DDX42: variants seen among roughly 807,000 people sequenced by gnomAD.
DDX42 encodes the protein ATP-dependent RNA helicase DDX42.
In DDX42, 22 loss-of-function variants were observed where a neutral mutation model predicts 101.5. That is an observed-to-expected ratio of 0.22 (90% CI 0.15 to 0.31). DDX42 has a LOEUF of 0.31. DDX42 is among the 10% of genes least tolerant of loss of function. DDX42 has a pLI of 1.00. For missense variants in DDX42, 849 were observed against 1,199.9 expected (o/e 0.71, Z 4.32); for synonymous variants, 402 against 401.2 (o/e 1.00, Z -0.02).
chr17:63,792,433 A>G lies in DDX42; in HGVS notation c.243A>G (p.Glu81=). 1 of 1,612,622 alleles carries G rather than the reference A, an allele frequency of 6.2e-7. No individual in the cohort carries two copies. Among genetic ancestry groups the G allele is most frequent in the Non-Finnish European group, 8.5e-7 (1 of 1,179,412 alleles). ...EENAYFEDEE[E]DSSNVDLPYI... ...TCAGCTATTTTGAAGATGAGGAAGA[A>G]GATTCTAGCAACGTTGATTTACCTT... Residue 81 remains glutamate (E), a synonymous_variant, in exon 3 of 18, where the codon GAA becomes GAG. Coordinates refer to ENST00000389924, the MANE Select transcript of DDX42 (RefSeq NM_203499.3).
intron 4 of DDX42, among the ~76,000 whole-genome samples, chr17:63,799,100 G>A (rs1038977597): frequency 1.3e-5 from 2 of 152,160 alleles, no homozygotes; most frequent in Admixed American, 1.3e-4. Context: ...AGTTAATGTA[G>A]TTTTCACTCT....
intron 5 of DDX42, 78 bp downstream of exon 5, chr17:63,799,703 C>T: frequency 1.4e-6 from 2 of 1,442,780 alleles, no homozygotes; most frequent in Non-Finnish European, 1.9e-6. Flanking sequence ...AGCTTGCCTT[C>T]ACTCAAAATG....
intron 6 of DDX42, among the ~76,000 whole-genome samples, chr17:63,803,753 G>T (rs2039803314): frequency 6.6e-6 from 1 of 151,466 alleles, no homozygotes; most frequent in Non-Finnish European, 1.5e-5. Context: ...GGGTTCAAGA[G>T]ATTCTCCTGC....
rs2040017428 is a variant in DDX42, at chr17:63,819,123, C to G, written c.*725C>G. 6.6e-6 allele frequency: 1 copy of G among 152,448 alleles called. No homozygotes were observed. The highest frequency in any genetic ancestry group is 2.4e-5 in the African/African-American group (1 of 41,408). The allele number at this position is 152,448 out of a possible 1,614,324, so 9.4% of individuals were successfully genotyped here. On this transcript the variant is annotated 3_prime_UTR_variant, in exon 18 of 18. Coordinates refer to ENST00000389924, the MANE Select transcript of DDX42 (RefSeq NM_203499.3). Reference sequence around the variant, plus strand: ...CCAACAACAGCTTTTAAAGTGTCTTCTATCTCATTGTATTTTTTTTAACTT... The same window carrying G: ...CCAACAACAGCTTTTAAAGTGTCTTGTATCTCATTGTATTTTTTTTAACTT...
intron 6 of DDX42, among the ~76,000 whole-genome samples, chr17:63,803,533 A>G (rs960674448): frequency 7.3e-5 from 10 of 136,090 alleles, no homozygotes; most frequent in South Asian, 4.8e-4. Flanking sequence ...GTGCCACTGC[A>G]CTCCAGCCTG....
In DDX42 at chr17:63,817,748, A is replaced by T; in HGVS notation, c.2167A>T (p.Ser723Cys). ...CAGTTTAAGTAATCAGAAGGCTGGA[A>T]GTTCTGCTGCTGGGGCAAGTGGGTG... The part of the protein sequence containing the change: ...AASLSNQKAG[S>C]SAAGASGWTS... The change falls in exon 18 of 18, where the codon AGT (serine) becomes TGT (cysteine). Residue 723 changes from serine (S) to cysteine (C), a missense_variant. Transcript: ENST00000389924. 1 of 1,614,206 alleles carries T rather than the reference A, an allele frequency of 6.2e-7. No homozygotes were observed. The highest frequency in any genetic ancestry group is 1.1e-5 in the South Asian group (1 of 91,086).
intron 16 of DDX42, chr17:63,816,579 C>T (rs937788130): frequency 1.3e-5 from 3 of 231,752 alleles, no homozygotes; most frequent in African/African-American, 2.3e-5. Flanking sequence ...GTAATTTTTA[C>T]TTAATTAATT....
At chr17:63,817,191 C>T in intron 17 of DDX42, 1 of 491,536 alleles carries the variant, frequency 2.0e-6, no homozygotes, top group Non-Finnish European at 3.6e-6. Context: ...CACTTGGGGC[C>T]TGGGATTGTT....
chr17:63,814,675 C>CTTTTTTTTTTTCT (rs2039953641), intron 15 of DDX42, among the ~76,000 whole-genome samples: 1 of 90,456 alleles, frequency 1.1e-5, no homozygotes, highest in Non-Finnish European at 2.0e-5. Context: ...GAGACATTTG[C>CTTTTTTTTTTTCT]TTTTTTTTTT....
intron 9 of DDX42, 147 bp downstream of exon 9, chr17:63,808,047 C>CAGT: frequency 1.4e-6 from 1 of 740,724 alleles, no homozygotes. Context: ...TTTTAATGTA[C>CAGT]AGTTCAGTGG....
At chr17:63,802,942 A>C (rs915140418) in intron 6 of DDX42, among the ~76,000 whole-genome samples, 2 of 152,160 alleles carry the variant, frequency 1.3e-5, no homozygotes, top group African/African-American at 2.4e-5. Flanking sequence ...CTTTCAAGCA[A>C]AAATTAGAAT....
At chr17:63,800,646 T>C (rs929082052) in intron 6 of DDX42, 29 bp downstream of exon 6, 1 of 1,609,056 alleles carries the variant, frequency 6.2e-7, no homozygotes, top group Non-Finnish European at 8.5e-7. Context: ...AATTTTACTC[T>C]TGTTTCAAGC....
intron 15 of DDX42, among the ~76,000 whole-genome samples, chr17:63,813,949 C>T (rs1598343563): frequency 6.6e-6 from 1 of 152,090 alleles, no homozygotes; most frequent in Admixed American, 6.5e-5. Flanking sequence ...AAGCAATTCT[C>T]CTGCCTTAGC....
At position 63,817,882 on chromosome 17, in the gene DDX42, C is replaced by T; in HGVS notation, c.2301C>T (p.Gly767=). ...TSAAKGIPGF[G]NTGNISGAPV... is the part of the protein sequence containing the mutation. The stretch of plus-strand genomic sequence containing the variant: ...CCGCCAAGGGCATCCCAGGCTTTGG[C>T]AATACTGGCAACATCAGTGGTGCCC... Residue 767 remains glycine (G), a synonymous_variant, in exon 18 of 18, where the codon GGC becomes GGT. Transcript: ENST00000389924. 6.2e-7 allele frequency: 1 copy of T among 1,614,184 alleles called. No homozygotes were observed. Among genetic ancestry groups the T allele is most frequent in the East Asian group, 2.2e-5 (1 of 44,880 alleles).
intron 2 of DDX42, among the ~76,000 whole-genome samples, chr17:63,791,513 G>A (rs533860229): frequency 2.2e-4 from 33 of 152,202 alleles, no homozygotes; most frequent in Admixed American, 3.3e-4. Flanking sequence ...GTTTCACCAT[G>A]TTGGCTGGGC....
At chr17:63,804,437 T>C (rs1424780966) in intron 6 of DDX42, among the ~76,000 whole-genome samples, 1 of 152,216 alleles carries the variant, frequency 6.6e-6, no homozygotes, top group African/African-American at 2.4e-5. Flanking sequence ...TTTTTAAAAG[T>C]TATAAACAAC....
intron 5 of DDX42, 127 bp downstream of exon 5, chr17:63,799,752 G>T: frequency 2.1e-6 from 2 of 935,922 alleles, no homozygotes; most frequent in African/African-American, 1.6e-5. Flanking sequence ...CATTTGATTT[G>T]CTCCTTTTGT....
At chr17:63,773,969 C>T (rs918045359), upstream of DDX42, 9 of 192,634 alleles carry the variant, frequency 4.7e-5, no homozygotes, top group African/African-American at 1.4e-4. Flanking sequence ...TGGCTAGCCC[C>T]TTGACGCCAC....
chr17:63,814,316 TTC>T (rs2039949144), intron 15 of DDX42, among the ~76,000 whole-genome samples: 1 of 152,176 alleles, frequency 6.6e-6, no homozygotes, highest in Admixed American at 6.5e-5. Context: ...TCGGAACACT[TTC>T]TGAGAGCAGA....
Sources: allele counts gnomAD v4.1 joint callset (sites outside exome capture counted in the v4.1 genomes callset), GRCh38; gene constraint gnomAD v4.1.1; transcripts MANE v1.5; gene names NCBI Gene and HGNC (gene_info 2026-07-23, HGNC 2026-07-21).